The following OCA2 variants were observed in gnomAD, a reference collection of about 807,000 sequenced individuals.
The protein encoded by OCA2 is OCA2 melanosomal transmembrane protein, also known as P protein.
In OCA2, 77 loss-of-function variants were observed where a neutral mutation model predicts 100.2. The observed-to-expected ratio is 0.77, with a 90% CI of 0.64 to 0.93. OCA2 has a LOEUF of 0.93. OCA2 is among the 40% of genes least tolerant of loss of function. The pLI, the probability that OCA2 is intolerant of heterozygous loss-of-function variation, is 0.00. For missense variants in OCA2, 1,062 were observed against 1,089.1 expected (o/e 0.98, Z 0.35); for synonymous variants, 432 against 439.2 (o/e 0.98, Z 0.21).
At chr15:27,943,572 G>A (rs2039725223) in intron 18 of OCA2, among the ~76,000 whole-genome samples, 1 of 150,808 alleles carries the variant, frequency 6.6e-6, no homozygotes, top group Non-Finnish European at 1.5e-5. Flanking sequence ...CTACCTGGAG[G>A]CTTCATCTGC....
chr15:27,727,975 C>T, the OCA2 span, among the ~76,000 whole-genome samples: 37 of 152,346 alleles, frequency 2.4e-4, no homozygotes, highest in African/African-American at 8.4e-4. Flanking sequence ...TGAAGCTATG[C>T]CAGCCTGCAG....
intron 19 of OCA2, among the ~76,000 whole-genome samples, chr15:27,911,294 C>T (rs1294257023): frequency 1.3e-5 from 2 of 151,660 alleles, no homozygotes; most frequent in African/African-American, 4.9e-5. Context: ...GTGGTATAAG[C>T]CTGTAGTCCC....
chr15:27,943,484 G>A (rs1007083161), intron 18 of OCA2, among the ~76,000 whole-genome samples: 7 of 151,952 alleles, frequency 4.6e-5, no homozygotes, highest in African/African-American at 1.7e-4. Context: ...ATATTCTGTA[G>A]AGAATCCCCT....
the OCA2 span, among the ~76,000 whole-genome samples, chr15:27,744,164 CAAT>C: frequency 1.3e-5 from 2 of 152,204 alleles, no homozygotes; most frequent in African/African-American, 4.8e-5. Flanking sequence ...CAGCCAACAA[CAAT>C]GACTAAGATC....
chr15:27,922,016 A>G (rs1286557411), intron 19 of OCA2, among the ~76,000 whole-genome samples: 1 of 152,246 alleles, frequency 6.6e-6, no homozygotes, highest in African/African-American at 2.4e-5. Context: ...TATTAAGACA[A>G]TCATAAGAAA....
chr15:27,772,565 G>A (rs961793931), intron 23 of OCA2, among the ~76,000 whole-genome samples: 6 of 152,112 alleles, frequency 3.9e-5, no homozygotes, highest in Non-Finnish European at 8.8e-5. Flanking sequence ...AGAACTGGCC[G>A]GGCACGGTGG....
intron 19 of OCA2, among the ~76,000 whole-genome samples, chr15:27,915,755 C>T (rs1368992295): frequency 6.6e-6 from 1 of 152,098 alleles, no homozygotes; most frequent in Non-Finnish European, 1.5e-5. Context: ...GCTGATTCTG[C>T]TGATTAGAGT....
intron 18 of OCA2, among the ~76,000 whole-genome samples, chr15:27,943,735 C>G (rs1024614885): frequency 6.6e-6 from 1 of 150,670 alleles, no homozygotes; most frequent in African/African-American, 2.4e-5. Context: ...GCTCTTCTTT[C>G]TATTGATTCT....
chr15:27,913,491 A>G (rs1421134146), intron 19 of OCA2, among the ~76,000 whole-genome samples: 1 of 152,108 alleles, frequency 6.6e-6, no homozygotes, highest in East Asian at 1.9e-4. Context: ...CTCATTCATG[A>G]TAAACTATTT....
chr15:28,025,293 T>G (rs970222019), intron 4 of OCA2, among the ~76,000 whole-genome samples: 1 of 152,184 alleles, frequency 6.6e-6, no homozygotes, highest in East Asian at 1.9e-4. Context: ...TTCTGAAAGG[T>G]AGGAATACAG....
intron 20 of OCA2, 134 bp downstream of exon 20, chr15:27,871,729 G>C (rs2036582404): frequency 5.5e-6 from 4 of 723,084 alleles, no homozygotes; most frequent in Non-Finnish European, 9.8e-6. Context: ...GCACAGGATA[G>C]AACAGGTTCC....
At chr15:27,870,206 C>A (rs192141122) in intron 21 of OCA2, among the ~76,000 whole-genome samples, 1 of 152,304 alleles carries the variant, frequency 6.6e-6, no homozygotes, top group East Asian at 1.9e-4. Context: ...TGTCTTGGGA[C>A]CCCCTTGCAT....
intron 19 of OCA2, among the ~76,000 whole-genome samples, chr15:27,891,023 CA>C (rs578093435): frequency 2.2e-3 from 255 of 117,716 alleles, no homozygotes; most frequent in Middle Eastern, 4.9e-3. Flanking sequence ...GACTCCATCT[CA>C]AAAAAAAAAA....
intron 1 of OCA2, 83 bp downstream of exon 1, chr15:28,099,141 C>G (rs1204325176): frequency 6.5e-6 from 1 of 154,168 alleles, no homozygotes; most frequent in African/African-American, 2.4e-5. Flanking sequence ...TCAGCCGGGG[C>G]TGTGTAAACC....
intron 19 of OCA2, among the ~76,000 whole-genome samples, chr15:27,913,394 G>A: frequency 6.6e-6 from 1 of 151,944 alleles, no homozygotes; most frequent in Non-Finnish European, 1.5e-5. Context: ...AAGAAAGAAG[G>A]GAAAGATTAG....
Position 28,084,339 on chromosome 15 carries a change from T to G in OCA2, c.-21-2444A>C, listed in dbSNP as rs183451856. ...TCACACAGGAACATACCACCCACCC[T>G]TAGTGCAACAAATGTCCATTCTCTT... On this transcript the variant is annotated intron_variant, in intron 1 of 23. Coordinates refer to ENST00000354638, the MANE Select transcript of OCA2 (RefSeq NM_000275.3). Among the ~76,000 whole-genome samples, 496 of 152,322 alleles carry G rather than the reference T, an allele frequency of 3.3e-3. 23 individuals carry two copies. The East Asian group carries it at 0.093, about 29-fold the overall frequency.
At chr15:27,999,196 T>C (rs1032161982) in intron 9 of OCA2, among the ~76,000 whole-genome samples, 2 of 152,016 alleles carry the variant, frequency 1.3e-5, no homozygotes, top group African/African-American at 4.8e-5. Flanking sequence ...ACTTAAAGTA[T>C]AACAAGAAAA....
the OCA2 span, among the ~76,000 whole-genome samples, chr15:27,727,870 A>G: frequency 1.3e-5 from 2 of 152,182 alleles, no homozygotes; most frequent in African/African-American, 2.4e-5. Flanking sequence ...CCCCAATTCA[A>G]TATCCTTACT....
At chr15:28,051,294 T>G (rs8027215) in intron 2 of OCA2, among the ~76,000 whole-genome samples, 9,728 of 152,244 alleles carry the variant, frequency 0.064, 1,030 homozygotes, top group African/African-American at 0.22. Flanking sequence ...GGTTTTGTTT[T>G]GTTTTGTTTT....
Sources: allele counts gnomAD v4.1 joint callset (sites outside exome capture counted in the v4.1 genomes callset), GRCh38; gene constraint gnomAD v4.1.1; transcripts MANE v1.5; gene names NCBI Gene and HGNC (gene_info 2026-07-23, HGNC 2026-07-21).